The following ARHGAP1 variants were observed in gnomAD, a reference collection of about 807,000 sequenced individuals.
ARHGAP1 encodes the protein Rho GTPase activating protein 1, also known as rho GTPase-activating protein 1.
Under a neutral mutation model 52.2 loss-of-function variants are expected in ARHGAP1, and 23 were observed. That is an observed-to-expected ratio of 0.44 (90% CI 0.32 to 0.62). ARHGAP1 has a LOEUF of 0.62. Ranked by LOEUF, ARHGAP1 falls within the 20% of genes least tolerant of loss-of-function variation. The pLI is 0.05. For synonymous variants in ARHGAP1, 210 were observed against 228.4 expected (o/e 0.92, Z 0.73); for missense variants, 480 against 560.9 (o/e 0.86, Z 1.46).
In ARHGAP1 at chr11:46,696,060, G is replaced by A. The variant is rs2064651501; in HGVS notation, c.48C>T (p.Thr16=). 1.2e-6 allele frequency: 2 copies of A among 1,613,048 alleles called. No homozygotes were observed. The highest frequency in any genetic ancestry group is 1.7e-6 in the Non-Finnish European group (2 of 1,179,600). Residue 16 remains threonine (T), a synonymous_variant, in exon 2 of 13, where the codon ACC becomes ACT. Transcript: ENST00000311956. This position sits in a 1 kb window ranked among gnomAD's most constrained non-coding sequence, Gnocchi z 4.8. ...ELQDDLTLDD[T]SEALNQLKLA... The stretch of plus-strand genomic sequence containing the variant: ...GCTTCAGCTGGTTCAGAGCCTCGCT[G>A]GTGTCATCCAAGGTCAGATCATCCT...
At chr11:46,699,227 G>A (rs1378185746) in intron 1 of ARHGAP1, among the ~76,000 whole-genome samples, 2 of 152,192 alleles carry the variant, frequency 1.3e-5, no homozygotes, top group African/African-American at 4.8e-5. Flanking sequence ...TATTCAGAAT[G>A]ACACCTGATA....
rs74719156 is a variant in ARHGAP1 at position 46,678,998 on chromosome 11, G to A, written c.*39C>T. The A allele has an allele frequency of 3.6e-3, 5,727 of 1,607,016 alleles. 194 individuals are homozygous for A. In the African/African-American group the frequency reaches 0.067, roughly 19 times the overall value. The stretch of plus-strand genomic sequence containing the variant: ...ATGCCAGGAGGAAGAGTCCAAACCC[G>A]GGCTACCAGAGAAGGGGCTGGTGGG... On this transcript the variant is annotated 3_prime_UTR_variant, in exon 13 of 13. Coordinates refer to ENST00000311956, the MANE Select transcript of ARHGAP1 (RefSeq NM_004308.5).
At chr11:46,682,682 C>T (rs1350006124) in intron 4 of ARHGAP1, among the ~76,000 whole-genome samples, 1 of 152,146 alleles carries the variant, frequency 6.6e-6, no homozygotes, top group East Asian at 1.9e-4. Flanking sequence ...GAAACTCTGT[C>T]TCAATAATAG....
intron 1 of ARHGAP1, chr11:46,697,372 A>T (rs2064664320): frequency 6.6e-6 from 1 of 152,232 alleles, no homozygotes; most frequent in African/African-American, 2.4e-5. Context: ...AGGCTGCTCC[A>T]TGTCCAGCTG....
chr11:46,680,982 C>G lies in ARHGAP1; in HGVS notation c.635+29G>C, dbSNP rs112112676. The G allele has an allele frequency of 1.3e-6, 2 of 1,599,526 alleles. No individual in the cohort carries two copies. The highest frequency in any genetic ancestry group is 8.6e-7 in the Non-Finnish European group (1 of 1,168,730). On this transcript the variant is annotated intron_variant, in intron 7 of 12. Transcript: ENST00000311956. This position sits in a 1 kb window ranked among gnomAD's most constrained non-coding sequence, Gnocchi z 5.9. The stretch of plus-strand genomic sequence containing the variant: ...ACACGTCCTCATTACCCTGGCTTCA[C>G]GAGCCCCCAGCCGCCGCACCCGCCT...
chr11:46,685,039 CA>C (rs1484270372), intron 4 of ARHGAP1, among the ~76,000 whole-genome samples: 1 of 141,548 alleles, frequency 7.1e-6, no homozygotes, highest in Non-Finnish European at 1.5e-5. Context: ...AGTGAGCCAA[CA>C]TCGTGCCACT....
At chr11:46,700,103 G>C (rs2064690392) in intron 1 of ARHGAP1, among the ~76,000 whole-genome samples, 1 of 152,224 alleles carries the variant, frequency 6.6e-6, no homozygotes, top group South Asian at 2.1e-4. Flanking sequence ...CCGGGAGGCG[G>C]AGGTTGCAGT....
At chr11:46,692,613 G>T (rs1413849108) in intron 3 of ARHGAP1, among the ~76,000 whole-genome samples, 1 of 152,160 alleles carries the variant, frequency 6.6e-6, no homozygotes, top group Non-Finnish European at 1.5e-5. Flanking sequence ...GAAGCTTTGG[G>T]TTCTGAACCA....
rs371459888 is a variant in ARHGAP1 at position 46,678,541 on chromosome 11, T to A, written c.*496A>T. On this transcript the variant is annotated 3_prime_UTR_variant, in exon 13 of 13. Coordinates refer to ENST00000311956, the MANE Select transcript of ARHGAP1 (RefSeq NM_004308.5). ...GAGCAAGGGTGCTTGCACTCAGGCC[T>A]TCATGCAGTGGGGCTTCTGCAAAGC... The A allele has an allele frequency of 2.2e-3, 379 of 176,236 alleles. 15 individuals are homozygous for A. The South Asian group carries it at 0.042, about 19-fold the overall frequency. The allele number at this position is 176,236 out of a possible 1,614,324, so 10.9% of individuals were successfully genotyped here. A position where few individuals can be genotyped will look rare whatever the true frequency, so the allele number is the denominator to read the frequency against.
Position 46,679,723 on chromosome 11 carries a change from G to C in ARHGAP1, c.952C>G (p.Leu318Val), listed in dbSNP as rs1466689042. Residue 318 changes from leucine (L) to valine (V), a missense_variant, in exon 11 of 13, where the codon CTC becomes GTC. By Grantham distance (32) the Leu-to-Val change is conservative. Transcript: ENST00000311956. The surrounding 1 kb of genome is among the most constrained non-coding windows in gnomAD (Gnocchi z 4.4). ...GGAAGCTCCCGGAGGAAGGTCTTGA[G>C]GATGACTGCTGGCAGGTGCAGCTCA... ...YNELHLPAVI[L>V]KTFLRELPEP... 6.2e-7 allele frequency: 1 copy of C among 1,614,096 alleles called. No homozygotes were observed. Among genetic ancestry groups the C allele is most frequent in the African/African-American group, 1.3e-5 (1 of 75,054 alleles).
Position 46,680,552 on chromosome 11 carries a change from T to C in ARHGAP1, c.755A>G (p.Lys252Arg), listed in dbSNP as rs762080711. ...GGGAATGGGCTCCTGCTCTGGATTCTTCTCCTGGAGGCTGCGGGAAAAAGG... is the reference window on the plus strand; with the variant it reads ...GGGAATGGGCTCCTGCTCTGGATTCCTCTCCTGGAGGCTGCGGGAAAAAGG... ...FGVSLQHLQE[K>R]NPEQEPIPIV... Residue 252 changes from lysine (K) to arginine (R), a missense_variant, in exon 9 of 13, where the codon AAG becomes AGG. Transcript: ENST00000311956. The surrounding 1 kb of genome is among the most constrained non-coding windows in gnomAD (Gnocchi z 5.9). The C allele has an allele frequency of 3.1e-6, 5 of 1,614,148 alleles. No individual in the cohort carries two copies. The highest frequency in any genetic ancestry group is 4.2e-6 in the Non-Finnish European group (5 of 1,180,004).
intron 3 of ARHGAP1, 54 bp downstream of exon 3, chr11:46,695,606 C>A: frequency 6.6e-7 from 1 of 1,522,442 alleles, no homozygotes; most frequent in Non-Finnish European, 8.9e-7. Flanking sequence ...GAAGGGCTGA[C>A]TTCCTGAGGC....
rs917243122 is a variant in ARHGAP1 at position 46,677,902 on chromosome 11, CCA to C, written c.*1133_*1134del. ...AAGGCGGAGGTGTGCCGAGATCGCG[CCA>C]CTGCACTCCAGCCTGGTGACAGAGC... is the stretch of plus-strand genomic sequence containing the variant. On this transcript the variant is annotated 3_prime_UTR_variant, in exon 13 of 13. Transcript: ENST00000311956. 7.0e-6 allele frequency: 3 copies of C among 428,838 alleles called. No homozygotes were observed. Among genetic ancestry groups the C allele is most frequent in the African/African-American group, 6.3e-5 (3 of 47,472 alleles). 26.6% of individuals were successfully genotyped at this position (428,838 alleles called of 1,614,324 possible).
Position 46,696,714 on chromosome 11 carries a change from C to G in ARHGAP1, c.-49-558G>C, listed in dbSNP as rs919604861. Among the ~76,000 whole-genome samples, 4 of 152,040 alleles carry G rather than the reference C, an allele frequency of 2.6e-5. No homozygotes were observed. The highest frequency in any genetic ancestry group is 5.9e-5 in the Non-Finnish European group (4 of 68,006). ...TGAAACCCCATCTCTACTAAAAATA[C>G]AAAAACTAGCTGGGCGTGGTGGCAG... On this transcript the variant is annotated intron_variant, in intron 1 of 12. Coordinates refer to ENST00000311956, the MANE Select transcript of ARHGAP1 (RefSeq NM_004308.5). This position sits in a 1 kb window ranked among gnomAD's most constrained non-coding sequence, Gnocchi z 4.8.
chr11:46,682,282 T>C, intron 4 of ARHGAP1, 100 bp from the exon 5 acceptor site: 1 of 1,487,262 alleles, frequency 6.7e-7, no homozygotes, highest in Non-Finnish European at 9.2e-7. Flanking sequence ...TCACAGCCCC[T>C]TCCCCACAGG....
rs2134476746 is a variant in ARHGAP1 at position 46,679,972 on chromosome 11, C to T, written c.899-196G>A. On this transcript the variant is annotated intron_variant, in intron 10 of 12. Transcript: ENST00000311956. This position sits in a 1 kb window ranked among gnomAD's most constrained non-coding sequence, Gnocchi z 4.4. ...GTTCCGGCCATCTGGGGAAGTGGGGCCCGGCACACCCCACCGTTATTCCTT... is the reference window on the plus strand; with the variant it reads ...GTTCCGGCCATCTGGGGAAGTGGGGTCCGGCACACCCCACCGTTATTCCTT... The T allele has an allele frequency of 2.9e-6, 3 of 1,035,722 alleles. No homozygotes were observed. The highest frequency in any genetic ancestry group is 1.6e-5 in the South Asian group (1 of 61,648). 64.2% of individuals were successfully genotyped at this position (1,035,722 alleles called of 1,614,324 possible).
chr11:46,699,997 C>A (rs1565692458), intron 1 of ARHGAP1, among the ~76,000 whole-genome samples: 1 of 151,958 alleles, frequency 6.6e-6, no homozygotes, highest in South Asian at 2.1e-4. Context: ...TGGTGAAACC[C>A]TGTCTCTACT....
chr11:46,680,813 A>G lies in ARHGAP1; in HGVS notation c.636-66T>C, dbSNP rs2064520012. 1 of 1,274,308 alleles carries G rather than the reference A, an allele frequency of 7.8e-7. No individual in the cohort carries two copies. Among genetic ancestry groups the G allele is most frequent in the African/African-American group, 1.5e-5 (1 of 67,254 alleles). 78.9% of individuals were successfully genotyped at this position (1,274,308 alleles called of 1,614,324 possible). The stretch of plus-strand genomic sequence containing the variant: ...CTGGAGTCACTCTGCCAATTCAATC[A>G]AGCATTGACCACGCGGGGTCAGGAG... On this transcript the variant is annotated intron_variant, in intron 7 of 12. Transcript: ENST00000311956. This position sits in a 1 kb window ranked among gnomAD's most constrained non-coding sequence, Gnocchi z 5.9.
At chr11:46,684,207 A>AC (rs1565686559) in intron 4 of ARHGAP1, among the ~76,000 whole-genome samples, 2 of 152,218 alleles carry the variant, frequency 1.3e-5, no homozygotes, top group Non-Finnish European at 2.9e-5. Context: ...CCTTCTCCAC[A>AC]CTGAGCACTG....
Sources: allele counts gnomAD v4.1 joint callset (sites outside exome capture counted in the v4.1 genomes callset), GRCh38; gene constraint gnomAD v4.1.1; non-coding constraint Gnocchi (gnomAD v3.1); transcripts MANE v1.5; gene names NCBI Gene and HGNC (gene_info 2026-07-23, HGNC 2026-07-21).